The following LSAMP variants were observed in gnomAD, a reference collection of about 807,000 sequenced individuals.
LSAMP encodes limbic system associated membrane protein, also known as limbic system-associated membrane protein.
Under a neutral mutation model 38.6 loss-of-function variants are expected in LSAMP, and 7 were observed. The ratio of observed to expected loss-of-function variants is 0.18; its 90% CI spans 0.10 to 0.34. The LOEUF is 0.34. Among genes scored for constraint, LSAMP ranks in the 10% least tolerant of loss-of-function variants. The pLI, the probability that LSAMP is intolerant of heterozygous loss-of-function variation, is 1.00. For missense variants in LSAMP, 313 were observed against 420.0 expected, an observed-to-expected ratio of 0.75 and a Z score of 2.23; for synonymous variants, 154 against 166.8, an observed-to-expected ratio of 0.92 and a Z score of 0.59.
intron 3 of LSAMP, among the ~76,000 whole-genome samples, chr3:115,917,449 C>G (rs1270907578): frequency 6.6e-6 from 1 of 152,168 alleles, no homozygotes; most frequent in Non-Finnish European, 1.5e-5. Flanking sequence ...AGAGGTAGCT[C>G]CATTACCACC....
chr3:116,007,997 GT>G (rs931542434), intron 3 of LSAMP, among the ~76,000 whole-genome samples: 1 of 152,156 alleles, frequency 6.6e-6, no homozygotes, highest in African/African-American at 2.4e-5. Flanking sequence ...AAGAACCAAT[GT>G]TTTGGACTAT....
At chr3:115,943,887 C>T (rs1286123690) in intron 3 of LSAMP, among the ~76,000 whole-genome samples, 1 of 152,174 alleles carries the variant, frequency 6.6e-6, no homozygotes, top group African/African-American at 2.4e-5. Flanking sequence ...TGCTTTCGAA[C>T]TGCTTCTCTC....
chr3:116,327,493 G>C (rs981636511), intron 1 of LSAMP, among the ~76,000 whole-genome samples: 2 of 151,856 alleles, frequency 1.3e-5, no homozygotes, highest in Non-Finnish European at 2.9e-5. Context: ...TCATATCAAG[G>C]TTTAAGATTA....
intron 1 of LSAMP, among the ~76,000 whole-genome samples, chr3:116,391,224 C>A (rs940944503): frequency 6.6e-6 from 1 of 151,704 alleles, no homozygotes; most frequent in African/African-American, 2.4e-5. Context: ...GCGGCTGCTG[C>A]CATCGCGCTG....
chr3:116,340,920 C>A (rs1054208069), intron 1 of LSAMP, among the ~76,000 whole-genome samples: 1 of 152,004 alleles, frequency 6.6e-6, no homozygotes, highest in African/African-American at 2.4e-5. Flanking sequence ...GCTCTTTCAA[C>A]ATAGGAGAAG....
intron 1 of LSAMP, among the ~76,000 whole-genome samples, chr3:116,264,581 G>A (rs1312634738): frequency 6.6e-6 from 1 of 152,046 alleles, no homozygotes; most frequent in Admixed American, 6.6e-5. Context: ...GAGAAGAGAA[G>A]ATGGTGGCAG....
chr3:116,324,430 T>C (rs548557956), intron 1 of LSAMP, among the ~76,000 whole-genome samples: 2 of 152,332 alleles, frequency 1.3e-5, no homozygotes, highest in South Asian at 4.1e-4. Flanking sequence ...ATTGAGGATC[T>C]ACTTCTGAAA....
intron 1 of LSAMP, among the ~76,000 whole-genome samples, chr3:116,226,397 C>A (rs750814266): frequency 6.6e-6 from 1 of 152,132 alleles, no homozygotes; most frequent in African/African-American, 2.4e-5. Flanking sequence ...TTTCTGACAC[C>A]CCTTGGTTCC....
intron 3 of LSAMP, among the ~76,000 whole-genome samples, chr3:115,901,653 A>G (rs1223341566): frequency 6.6e-6 from 1 of 152,160 alleles, no homozygotes; most frequent in African/African-American, 2.4e-5. Context: ...TGGATTTTTA[A>G]TTGCCATAAT....
intron 1 of LSAMP, among the ~76,000 whole-genome samples, chr3:116,280,070 T>C (rs939849383): frequency 1.3e-5 from 2 of 152,220 alleles, no homozygotes; most frequent in Admixed American, 1.3e-4. Flanking sequence ...TTACTGATGA[T>C]GCTTGTAAAC....
chr3:116,282,396 C>T (rs2047138372), intron 1 of LSAMP, among the ~76,000 whole-genome samples: 1 of 152,146 alleles, frequency 6.6e-6, no homozygotes, highest in Admixed American at 6.5e-5. Context: ...ATAAATTCTT[C>T]ATTAAAAGTA....
At chr3:116,422,133 G>T (rs954527417) in intron 1 of LSAMP, among the ~76,000 whole-genome samples, 1 of 152,138 alleles carries the variant, frequency 6.6e-6, no homozygotes, top group Non-Finnish European at 1.5e-5. Flanking sequence ...GCTACAATAT[G>T]CATGAATCTC....
intron 1 of LSAMP, among the ~76,000 whole-genome samples, chr3:116,401,161 T>C (rs947545829): frequency 6.6e-6 from 1 of 152,234 alleles, no homozygotes; most frequent in South Asian, 2.1e-4. Flanking sequence ...CTTTACCATG[T>C]GCTGAATATC....
chr3:116,048,121 T>C (rs1001424069), intron 2 of LSAMP, among the ~76,000 whole-genome samples: 1 of 152,232 alleles, frequency 6.6e-6, no homozygotes, highest in Non-Finnish European at 1.5e-5. Context: ...GATGAATTTG[T>C]GAATAAACTT....
At chr3:116,004,224 G>T (rs1940084945) in intron 3 of LSAMP, among the ~76,000 whole-genome samples, 2 of 151,920 alleles carry the variant, frequency 1.3e-5, no homozygotes, top group African/African-American at 4.8e-5. Flanking sequence ...TCTAGTACGG[G>T]AACAGAATGA....
At chr3:116,165,391 C>T (rs1042132270) in intron 1 of LSAMP, among the ~76,000 whole-genome samples, 2 of 152,158 alleles carry the variant, frequency 1.3e-5, no homozygotes, top group Admixed American at 1.3e-4. Context: ...ATCTTGTTTG[C>T]TGGCAACATA....
intron 2 of LSAMP, among the ~76,000 whole-genome samples, chr3:116,034,300 G>A (rs1940997609): frequency 6.6e-6 from 1 of 152,028 alleles, no homozygotes; most frequent in Admixed American, 6.6e-5. Context: ...GATGGACTGA[G>A]AACCAGGCCT....
intron 2 of LSAMP, among the ~76,000 whole-genome samples, chr3:116,031,251 C>T (rs989443470): frequency 6.6e-6 from 1 of 152,006 alleles, no homozygotes; most frequent in Admixed American, 6.6e-5. Context: ...TTACTGAGTG[C>T]CTACAACACA....
chr3:116,221,077 C>T lies in LSAMP; in HGVS notation c.156-134521G>A, dbSNP rs900262011. Among the ~76,000 whole-genome samples, 120 of 130,682 alleles carry T rather than the reference C, an allele frequency of 9.2e-4. 1 individual carries two copies. Among genetic ancestry groups the T allele is most frequent in the Admixed American group, 3.0e-3 (32 of 10,582 alleles). 85.7% of individuals were successfully genotyped at this position (130,682 alleles called of 152,430 possible). ...GTGAGGCTGGAGAATGGCGTGAAGC[C>T]GGGAGGTGCAGCTTGCAGTGAGCCA... On this transcript the variant is annotated intron_variant, in intron 1 of 6. Transcript: ENST00000490035.
Sources: allele counts gnomAD v4.1 joint callset (sites outside exome capture counted in the v4.1 genomes callset), GRCh38; gene constraint gnomAD v4.1.1; transcripts MANE v1.5; gene names NCBI Gene and HGNC (gene_info 2026-07-23, HGNC 2026-07-21).